FMN1: variants seen among roughly 807,000 people sequenced by gnomAD.
FMN1 encodes formin-1.
Under a neutral mutation model 132.4 loss-of-function variants are expected in FMN1, and 110 were observed. The observed-to-expected ratio is 0.83, with a 90% CI of 0.71 to 0.97. The LOEUF (loss-of-function observed/expected upper bound fraction) is 0.97, where lower values mean the gene tolerates loss of function less well. Ranked by LOEUF, FMN1 falls within the 50% of genes least tolerant of loss-of-function variation. The pLI, the probability that FMN1 is intolerant of heterozygous loss-of-function variation, is 0.00. For synonymous variants in FMN1, 722 were observed against 651.7 expected (o/e 1.11, Z -1.64); for missense variants, 1,792 against 1,705.3 (o/e 1.05, Z -0.90).
At chr15:32,895,447 C>T (rs1009930305) in intron 15 of FMN1, among the ~76,000 whole-genome samples, 1 of 151,818 alleles carries the variant, frequency 6.6e-6, no homozygotes, top group Non-Finnish European at 1.5e-5. Flanking sequence ...GTAGGAACAG[C>T]TTTATGGGCA....
At chr15:33,147,900 C>T (rs75554281) in intron 4 of FMN1, among the ~76,000 whole-genome samples, 6,277 of 152,008 alleles carry the variant, frequency 0.041, 439 homozygotes, top group African/African-American at 0.14. Context: ...ATCTCAAACA[C>T]TGTTAAATTT....
intron 4 of FMN1, among the ~76,000 whole-genome samples, chr15:33,138,393 G>A (rs1963863863): frequency 6.6e-6 from 1 of 152,016 alleles, no homozygotes; most frequent in Non-Finnish European, 1.5e-5. Flanking sequence ...TTTTGCTAAT[G>A]CAATGTGGCC....
chr15:33,029,077 TA>T (rs1471081056), intron 6 of FMN1, among the ~76,000 whole-genome samples: 1 of 148,750 alleles, frequency 6.7e-6, no homozygotes. Flanking sequence ...GAAATACACT[TA>T]AATAATACCA....
At chr15:32,969,742 C>T (rs989155167) in intron 7 of FMN1, among the ~76,000 whole-genome samples, 6 of 152,178 alleles carry the variant, frequency 3.9e-5, no homozygotes, top group Admixed American at 3.3e-4. Flanking sequence ...GCTTAAAGTA[C>T]ATCTATTACT....
At chr15:32,816,837 C>T (rs1161909080) in intron 17 of FMN1, among the ~76,000 whole-genome samples, 3 of 152,178 alleles carry the variant, frequency 2.0e-5, no homozygotes, top group Non-Finnish European at 4.4e-5. Context: ...TACTCACAGG[C>T]AACATGAAAT....
At chr15:32,926,038 G>C (rs1023780753) in intron 10 of FMN1, 136 bp downstream of exon 10, 5 of 561,100 alleles carry the variant, frequency 8.9e-6, no homozygotes, top group Non-Finnish European at 1.6e-5. Context: ...AGAGTGAGTT[G>C]ATGGTTCTGT....
In FMN1 at chr15:32,965,641, G is replaced by C. The variant is rs146692475; in HGVS notation, c.2988-1384C>G. Among the ~76,000 whole-genome samples, 473 of 152,224 alleles carry C rather than the reference G, an allele frequency of 3.1e-3. 2 individuals are homozygous for C. The highest frequency in any genetic ancestry group is 4.9e-3 in the Non-Finnish European group (334 of 68,024). ...AACAGTTGGCAGCCCTGGCTCCTCAGGTCTGCGTGTTCACACTTTGCAATA... is the reference window on the plus strand; with the variant it reads ...AACAGTTGGCAGCCCTGGCTCCTCACGTCTGCGTGTTCACACTTTGCAATA... On this transcript the variant is annotated intron_variant, in intron 8 of 20. Coordinates refer to ENST00000616417, the MANE Select transcript of FMN1 (RefSeq NM_001277313.2).
chr15:33,135,114 A>G (rs1963707435), intron 4 of FMN1, among the ~76,000 whole-genome samples: 1 of 152,190 alleles, frequency 6.6e-6, no homozygotes, highest in Non-Finnish European at 1.5e-5. Flanking sequence ...CCTTCATATT[A>G]TCTTCCAAAG....
At chr15:32,960,806 G>A (rs2030426230) in intron 9 of FMN1, among the ~76,000 whole-genome samples, 1 of 151,712 alleles carries the variant, frequency 6.6e-6, no homozygotes, top group Non-Finnish European at 1.5e-5. Context: ...GACCAACCTG[G>A]CCAACTTGGT....
Position 32,950,050 on chromosome 15 carries a change from TAC to T in FMN1, c.3138+14055_3138+14056del, listed in dbSNP as rs1341745727. ...ATATATATACACATATATATATATATACACATATATATATATATATATATATA... is the reference window on the plus strand; with the variant it reads ...ATATATATACACATATATATATATATACATATATATATATATATATATATA... On this transcript the variant is annotated intron_variant, in intron 9 of 20. Coordinates refer to ENST00000616417, the MANE Select transcript of FMN1 (RefSeq NM_001277313.2). Among the ~76,000 whole-genome samples the T allele has an allele frequency of 2.3e-3, 9 of 3,944 alleles. 2 individuals carry two copies. The highest frequency in any genetic ancestry group is 3.5e-3 in the Non-Finnish European group (5 of 1,418). 2.6% of individuals were successfully genotyped at this position (3,944 alleles called of 152,430 possible).
At chr15:33,088,059 G>A (rs1223394792) in intron 5 of FMN1, among the ~76,000 whole-genome samples, 1 of 152,084 alleles carries the variant, frequency 6.6e-6, no homozygotes, top group African/African-American at 2.4e-5. Context: ...GGACTTGAGG[G>A]AAAGGGTTGG....
At chr15:32,874,289 G>A (rs1476369203) in intron 16 of FMN1, among the ~76,000 whole-genome samples, 1 of 151,954 alleles carries the variant, frequency 6.6e-6, no homozygotes. Context: ...CCAAAGTGCT[G>A]GGATTACAGG....
intron 5 of FMN1, among the ~76,000 whole-genome samples, chr15:33,085,434 T>C (rs2038649696): frequency 1.3e-5 from 2 of 152,078 alleles, no homozygotes; most frequent in Admixed American, 1.3e-4. Context: ...AAAACTATTT[T>C]AGTTTTATAA....
chr15:32,964,046 C>CAT, intron 9 of FMN1, 61 bp downstream of exon 9: 1 of 1,239,696 alleles, frequency 8.1e-7, no homozygotes, highest in Non-Finnish European at 1.2e-6. Flanking sequence ...CACACACACA[C>CAT]ACATATATAC....
intron 16 of FMN1, among the ~76,000 whole-genome samples, chr15:32,867,138 AGCCTAACT>A (rs961903390): frequency 2.6e-5 from 4 of 152,190 alleles, no homozygotes; most frequent in Non-Finnish European, 4.4e-5. Flanking sequence ...CTATAGTCTC[AGCCTAACT>A]GTTCTTCCCA....
chr15:33,012,592 GA>G, intron 6 of FMN1: 4 of 1,214,122 alleles, frequency 3.3e-6, no homozygotes, highest in Non-Finnish European at 4.8e-6. Context: ...TGACTCTGTG[GA>G]TAAGACTGTC....
intron 7 of FMN1, among the ~76,000 whole-genome samples, chr15:32,999,679 AG>A (rs1377496516): frequency 2.0e-5 from 3 of 152,222 alleles, no homozygotes; most frequent in Admixed American, 2.0e-4. Context: ...ATTCCCGTAA[AG>A]GAAATGTCAC....
At chr15:33,019,751 G>A (rs577204109) in intron 6 of FMN1, among the ~76,000 whole-genome samples, 6 of 152,234 alleles carry the variant, frequency 3.9e-5, no homozygotes, top group African/African-American at 1.4e-4. Flanking sequence ...CCGCGGCAGG[G>A]CCGGCAGGCC....
intron 17 of FMN1, among the ~76,000 whole-genome samples, chr15:32,808,027 A>C (rs2057742159): frequency 6.6e-6 from 1 of 152,268 alleles, no homozygotes; most frequent in East Asian, 1.9e-4. Context: ...CCATGTTTAA[A>C]GACTGGAGTC....
Sources: gnomAD v4.1 joint callset for allele counts (sites outside exome capture counted in the v4.1 genomes callset) on GRCh38, gnomAD v4.1.1 for gene constraint, MANE v1.5 for transcripts, NCBI Gene and HGNC (gene_info 2026-07-23, HGNC 2026-07-21) for gene names.